The following CASK variants were observed in gnomAD, a reference collection of about 807,000 sequenced individuals.
CASK encodes peripheral plasma membrane protein CASK.
Under a neutral mutation model 82.9 loss-of-function variants are expected in CASK, and 4 were observed. That is an observed-to-expected ratio of 0.05 (90% CI 0.02 to 0.11). The LOEUF (loss-of-function observed/expected upper bound fraction) is 0.11. Ranked by LOEUF, CASK falls within the 10% of genes least tolerant of loss-of-function variation. CASK has a pLI of 1.00. For synonymous variants in CASK, 259 were observed against 253.5 expected, an observed-to-expected ratio of 1.02 and a Z score of -0.20; for missense variants, 358 against 720.9, an observed-to-expected ratio of 0.50 and a Z score of 5.76.
chrX:41,847,363 C>T (rs773556802), intron 2 of CASK, among the ~76,000 whole-genome samples: 18 of 111,515 alleles, frequency 1.6e-4, no homozygotes, highest in South Asian at 7.5e-4. Flanking sequence ...CTTCTGGTTC[C>T]GATTCTTTAT....
intron 1 of CASK, among the ~76,000 whole-genome samples, chrX:41,915,782 G>A (rs1338758931): frequency 3.8e-5 from 4 of 106,469 alleles, no homozygotes; most frequent in African/African-American, 1.4e-4. Context: ...GAGGTCAGGA[G>A]ATCAAGACCA....
intron 3 of CASK, among the ~76,000 whole-genome samples, chrX:41,775,292 C>A (rs2069336090): frequency 9.0e-6 from 1 of 111,693 alleles, no homozygotes; most frequent in Non-Finnish European, 1.9e-5. Context: ...AACTGCTCAC[C>A]ATCACTGGCC....
intron 2 of CASK, among the ~76,000 whole-genome samples, chrX:41,832,075 A>G (rs1007907358): frequency 4.5e-4 from 50 of 111,022 alleles, no homozygotes; most frequent in African/African-American, 1.5e-3. Context: ...TTGTAGGCTC[A>G]TCAACTTTCT....
At chrX:41,847,550 T>C (rs2071180689) in intron 2 of CASK, among the ~76,000 whole-genome samples, 1 of 112,271 alleles carries the variant, frequency 8.9e-6, no homozygotes, top group African/African-American at 3.2e-5. Context: ...GAACAGTTTC[T>C]ATGGATTGCT....
intron 1 of CASK, among the ~76,000 whole-genome samples, chrX:41,854,211 C>T (rs941838385): frequency 2.1e-4 from 19 of 88,786 alleles, no homozygotes; most frequent in South Asian, 5.9e-4. Flanking sequence ...CATGCGCGCG[C>T]GCGCGGGCGC....
intron 1 of CASK, among the ~76,000 whole-genome samples, chrX:41,916,371 C>A (rs1197236112): frequency 8.9e-6 from 1 of 111,801 alleles, no homozygotes; most frequent in Admixed American, 9.5e-5. Flanking sequence ...GACTTGGGCT[C>A]TACAACCAAT....
rs748460459 is a variant in CASK, at chrX:41,711,177, G to A, written c.429+28207C>T. Among the ~76,000 whole-genome samples, 5 of 110,306 alleles carry A rather than the reference G, an allele frequency of 4.5e-5. No individual in the cohort carries two copies. In the East Asian group the frequency reaches 1.4e-3, roughly 32 times the overall value. ...GGTGGGGGCCAGTCTTGGGGACTAA[G>A]CCCTCAACCTGTGGAATCTGATGCT... is the stretch of plus-strand genomic sequence containing the variant. On this transcript the variant is annotated intron_variant, in intron 5 of 26. Transcript: ENST00000378163.
At chrX:41,880,630 T>C (rs147351122) in intron 1 of CASK, among the ~76,000 whole-genome samples, 1,160 of 111,971 alleles carry the variant, frequency 0.01, 16 homozygotes, top group African/African-American at 0.036. Context: ...CCCAATCTTA[T>C]ACACATGCAG....
At chrX:41,904,812 A>C (rs1172499149) in intron 1 of CASK, among the ~76,000 whole-genome samples, 2 of 111,679 alleles carry the variant, frequency 1.8e-5, no homozygotes, top group East Asian at 5.6e-4. Context: ...CTCAATGTTT[A>C]TCTCTTACTT....
At chrX:41,900,998 G>C in intron 1 of CASK, among the ~76,000 whole-genome samples, 1 of 111,080 alleles carries the variant, frequency 9.0e-6, no homozygotes, top group South Asian at 3.8e-4. Flanking sequence ...CACCCACCTT[G>C]GCCTCCCAAA....
intron 3 of CASK, among the ~76,000 whole-genome samples, chrX:41,770,046 T>C (rs191969023): frequency 9.0e-6 from 1 of 110,825 alleles, no homozygotes; most frequent in Admixed American, 9.7e-5. Context: ...CAAAAATGAA[T>C]AAGGTACATG....
At chrX:41,630,140 A>G (rs777164745) in intron 9 of CASK, among the ~76,000 whole-genome samples, 23 of 112,479 alleles carry the variant, frequency 2.0e-4, no homozygotes, top group Non-Finnish European at 3.9e-4. Context: ...TTTAATTTGT[A>G]GTTAAGAACT....
At chrX:41,815,557 C>T (rs1281064082) in intron 2 of CASK, among the ~76,000 whole-genome samples, 1 of 111,105 alleles carries the variant, frequency 9.0e-6, no homozygotes, top group African/African-American at 3.3e-5. Flanking sequence ...ATGAAAAAGT[C>T]ACTGGATGAA....
chrX:41,543,225 C>A (rs1188415564), intron 21 of CASK, among the ~76,000 whole-genome samples: 1 of 111,988 alleles, frequency 8.9e-6, no homozygotes, highest in Non-Finnish European at 1.9e-5. Context: ...AATTGCATCA[C>A]CATTTTACAG....
intron 3 of CASK, among the ~76,000 whole-genome samples, chrX:41,772,792 G>A (rs973446119): frequency 5.4e-5 from 6 of 111,016 alleles, no homozygotes; most frequent in South Asian, 3.8e-4. Flanking sequence ...CTGAGGTAAC[G>A]AGTTTGAGAC....
intron 5 of CASK, among the ~76,000 whole-genome samples, chrX:41,707,570 T>C (rs1282025968): frequency 4.5e-5 from 5 of 112,285 alleles, no homozygotes; most frequent in African/African-American, 1.6e-4. Flanking sequence ...GCATAAAAAA[T>C]ATAAATGAAG....
At chrX:41,730,277 T>C (rs946453638) in intron 5 of CASK, 1 of 119,374 alleles carries the variant, frequency 8.4e-6, no homozygotes, top group Non-Finnish European at 1.9e-5. Context: ...GAGTTAGAGC[T>C]GTAAAAGCAA....
chrX:41,644,102 C>A (rs2066711198), intron 8 of CASK, among the ~76,000 whole-genome samples: 1 of 111,639 alleles, frequency 9.0e-6, no homozygotes, highest in African/African-American at 3.3e-5. Context: ...GTTGAACCAG[C>A]CTTGCATCCC....
intron 1 of CASK, among the ~76,000 whole-genome samples, chrX:41,865,160 A>G (rs1051596251): frequency 4.5e-5 from 5 of 111,617 alleles, no homozygotes; most frequent in Non-Finnish European, 9.4e-5. Flanking sequence ...CGAGTTTCCC[A>G]TGGATGGACC....
Sources: gnomAD v4.1 joint callset for allele counts (sites outside exome capture counted in the v4.1 genomes callset) on GRCh38, gnomAD v4.1.1 for gene constraint, MANE v1.5 for transcripts, NCBI Gene and HGNC (gene_info 2026-07-23, HGNC 2026-07-21) for gene names.